The following SMYD3 variants were observed in gnomAD, a reference collection of about 807,000 sequenced individuals.
SMYD3 encodes SET and MYND domain containing 3.
Under a neutral mutation model 57.7 loss-of-function variants are expected in SMYD3, and 36 were observed. The ratio of observed to expected loss-of-function variants is 0.62; its 90% CI spans 0.48 to 0.82. The LOEUF is 0.82. Among genes scored for constraint, SMYD3 ranks in the 40% least tolerant of loss-of-function variants. The pLI, the probability that SMYD3 is intolerant of heterozygous loss-of-function variation, is 0.00. For missense variants in SMYD3, 515 were observed against 538.8 expected (o/e 0.96, Z 0.44); for synonymous variants, 211 against 195.0 (o/e 1.08, Z -0.68).
intron 5 of SMYD3, among the ~76,000 whole-genome samples, chr1:246,273,145 T>TTTTTTC (rs2064256025): frequency 5.4e-5 from 7 of 129,604 alleles, no homozygotes; most frequent in South Asian, 2.7e-4. Flanking sequence ...CTTTTTTTTT[T>TTTTTTC]TTTTTTTCTT....
chr1:245,949,210 A>G (rs577426880), intron 5 of SMYD3, among the ~76,000 whole-genome samples: 5 of 152,220 alleles, frequency 3.3e-5, no homozygotes, highest in African/African-American at 1.2e-4. Flanking sequence ...ACCAGCACCC[A>G]AGCAAGCCAA....
intron 10 of SMYD3, among the ~76,000 whole-genome samples, chr1:245,834,480 C>T (rs1011261784): frequency 1.3e-5 from 2 of 152,190 alleles, no homozygotes; most frequent in Admixed American, 1.3e-4. Context: ...CCCTACTAAC[C>T]TTTGCATCCT....
chr1:245,894,121 G>C (rs1457841951), intron 8 of SMYD3, among the ~76,000 whole-genome samples: 1 of 152,178 alleles, frequency 6.6e-6, no homozygotes, highest in Non-Finnish European at 1.5e-5. Context: ...GTCTTACAAG[G>C]GGATTGTAAA....
At chr1:246,473,746 T>C (rs1310192882) in intron 1 of SMYD3, among the ~76,000 whole-genome samples, 3 of 152,162 alleles carry the variant, frequency 2.0e-5, no homozygotes, top group African/African-American at 7.2e-5. Context: ...CCTTCAGAGT[T>C]TGTTTTTTGG....
At chr1:245,826,424 A>C (rs1365837427) in intron 10 of SMYD3, among the ~76,000 whole-genome samples, 2 of 152,122 alleles carry the variant, frequency 1.3e-5, no homozygotes, top group Non-Finnish European at 2.9e-5. Context: ...TATGTTGCCC[A>C]GGCTGGTCTC....
chr1:246,096,784 G>C (rs1010684101), intron 5 of SMYD3, among the ~76,000 whole-genome samples: 1 of 150,316 alleles, frequency 6.7e-6, no homozygotes, highest in Non-Finnish European at 1.5e-5. Flanking sequence ...GTAACAAATG[G>C]TTATCATTGT....
At chr1:245,825,882 T>C in intron 10 of SMYD3, among the ~76,000 whole-genome samples, 1 of 150,086 alleles carries the variant, frequency 6.7e-6, no homozygotes, top group Non-Finnish European at 1.5e-5. Context: ...TAATGACGTA[T>C]CTGGGTCTAG....
intron 1 of SMYD3, among the ~76,000 whole-genome samples, chr1:246,493,727 T>C (rs1345203655): frequency 1.3e-5 from 2 of 151,516 alleles, no homozygotes; most frequent in Non-Finnish European, 2.9e-5. Flanking sequence ...ACTATTCCAA[T>C]AGTTCCAGCT....
At chr1:245,928,588 C>T (rs764496445) in intron 6 of SMYD3, among the ~76,000 whole-genome samples, 2 of 152,062 alleles carry the variant, frequency 1.3e-5, no homozygotes, top group South Asian at 2.1e-4. Context: ...GCAGGAGAAT[C>T]GCTTGAACCC....
chr1:246,469,415 G>T (rs925069565), intron 1 of SMYD3, among the ~76,000 whole-genome samples: 2 of 152,204 alleles, frequency 1.3e-5, no homozygotes, highest in Admixed American at 1.3e-4. Flanking sequence ...AGAAGGCAAA[G>T]TACAACATAA....
chr1:246,315,388 G>T (rs779906684), intron 5 of SMYD3, among the ~76,000 whole-genome samples: 2 of 152,180 alleles, frequency 1.3e-5, no homozygotes, highest in Non-Finnish European at 2.9e-5. Context: ...TTTCACCAAA[G>T]ATCTGAGTAG....
chr1:245,956,890 C>T (rs1026657254), intron 5 of SMYD3, among the ~76,000 whole-genome samples: 2 of 152,184 alleles, frequency 1.3e-5, no homozygotes, highest in African/African-American at 2.4e-5. Context: ...GTTGATCCAC[C>T]CTGCTTATTG....
intron 5 of SMYD3, among the ~76,000 whole-genome samples, chr1:246,141,342 A>C (rs2061752484): frequency 6.6e-6 from 1 of 152,228 alleles, no homozygotes; most frequent in Non-Finnish European, 1.5e-5. Flanking sequence ...ATATGAGCAA[A>C]TGTTGAACAG....
chr1:246,143,284 A>G lies in SMYD3; in HGVS notation c.531+183917T>C, dbSNP rs143346171. The stretch of plus-strand genomic sequence containing the variant: ...AATACGTCTTCCCAAAGGCTTCAAA[A>G]CAGGTGCCTTTCTTTGTAAGTTTAA... On this transcript the variant is annotated intron_variant, in intron 5 of 11. Transcript: ENST00000490107. Among the ~76,000 whole-genome samples, 187 of 152,330 alleles carry G rather than the reference A, an allele frequency of 1.2e-3. 2 individuals are homozygous for G. The highest frequency in any genetic ancestry group is 4.3e-3 in the African/African-American group (179 of 41,570).
At chr1:246,223,437 G>A (rs1283722991) in intron 5 of SMYD3, among the ~76,000 whole-genome samples, 1 of 152,138 alleles carries the variant, frequency 6.6e-6, no homozygotes, top group Non-Finnish European at 1.5e-5. Flanking sequence ...GGCAGCCTGA[G>A]TCTCCTGTAA....
intron 1 of SMYD3, among the ~76,000 whole-genome samples, chr1:246,487,460 G>GA (rs796280142): frequency 3.3e-4 from 47 of 144,050 alleles, no homozygotes; most frequent in African/African-American, 4.1e-4. Flanking sequence ...ACTCTGTCTG[G>GA]AAAAAAAAAA....
intron 5 of SMYD3, among the ~76,000 whole-genome samples, chr1:246,312,632 G>A (rs1044335923): frequency 2.0e-5 from 3 of 152,106 alleles, no homozygotes; most frequent in Non-Finnish European, 4.4e-5. Flanking sequence ...TGCACACGAC[G>A]AATCTGAAGT....
chr1:245,788,072 G>A (rs1040518976), intron 10 of SMYD3, among the ~76,000 whole-genome samples: 2 of 151,908 alleles, frequency 1.3e-5, no homozygotes, highest in East Asian at 1.9e-4. Context: ...AGGGAACAGC[G>A]CAAGGAGAAT....
At chr1:245,841,258 G>A (rs1249977318) in intron 10 of SMYD3, among the ~76,000 whole-genome samples, 23 of 152,184 alleles carry the variant, frequency 1.5e-4, no homozygotes, top group Admixed American at 1.4e-3. Context: ...ATAGGAATGT[G>A]CAAGTTGCAA....
Sources: gnomAD v4.1 joint callset for allele counts (sites outside exome capture counted in the v4.1 genomes callset) on GRCh38, gnomAD v4.1.1 for gene constraint, MANE v1.5 for transcripts, NCBI Gene and HGNC (gene_info 2026-07-23, HGNC 2026-07-21) for gene names.